CNTLN: variants seen among roughly 807,000 people sequenced by gnomAD.
The protein encoded by CNTLN is centlein, centrosomal protein.
CNTLN carries 212 observed loss-of-function variants against 180.0 expected under a neutral mutation model. That is an observed-to-expected ratio of 1.18 (90% confidence interval 1.05 to 1.32). CNTLN has a LOEUF of 1.32. CNTLN is among the 40% of genes most tolerant of loss of function. CNTLN has a pLI of 0.00. For missense variants in CNTLN, 2,095 were observed against 1,610.9 expected, an observed-to-expected ratio of 1.30 and a Z score of -5.14; for synonymous variants, 722 against 563.1, an observed-to-expected ratio of 1.28 and a Z score of -3.99.
chr9:17,167,826 TAG>T (rs1448109644), intron 2 of CNTLN: 1 of 152,168 alleles, frequency 6.6e-6, no homozygotes, highest in Admixed American at 6.5e-5. Context: ...GTTAAAAAAC[TAG>T]ACTAAAAATC....
At chr9:17,475,837 C>T (rs940630987) in intron 23 of CNTLN, among the ~76,000 whole-genome samples, 1 of 146,924 alleles carries the variant, frequency 6.8e-6, no homozygotes, top group African/African-American at 2.5e-5. Context: ...CGCGCCACTG[C>T]ACTCCAGCCT....
chr9:17,143,345 C>T lies in CNTLN; in HGVS notation c.418C>T (p.Leu140Phe), dbSNP rs770659500. ...ACGTCTCCAGGTTACAAACCCAGAT[C>T]TCACACAAGTGGTCAGTTTGGTTGT... is the stretch of plus-strand genomic sequence containing the variant. ...WKRLQVTNPD[L>F]TQVVSLVVER... Residue 140 changes from leucine (L) to phenylalanine (F), a missense_variant, in exon 2 of 26, where the codon CTC becomes TTC. Transcript: ENST00000380647. 2 of 1,613,574 alleles carry T rather than the reference C, an allele frequency of 1.2e-6. No homozygotes were observed. The highest frequency in any genetic ancestry group is 1.3e-5 in the African/African-American group (1 of 74,886).
chr9:17,306,138 A>G (rs1818688107), intron 7 of CNTLN, among the ~76,000 whole-genome samples: 1 of 141,756 alleles, frequency 7.1e-6, no homozygotes, highest in Non-Finnish European at 1.5e-5. Context: ...GGGTGCTATT[A>G]GTCGTCTATT....
At chr9:17,224,782 C>G (rs950888392) in intron 2 of CNTLN, among the ~76,000 whole-genome samples, 39 of 151,892 alleles carry the variant, frequency 2.6e-4, no homozygotes, top group African/African-American at 9.2e-4. Flanking sequence ...GGACCTTTAA[C>G]TTACTTATTG....
At chr9:17,178,250 G>C (rs901828288) in intron 2 of CNTLN, among the ~76,000 whole-genome samples, 2 of 152,300 alleles carry the variant, frequency 1.3e-5, no homozygotes, top group Middle Eastern at 3.4e-3. Context: ...TACAAACCTT[G>C]AGCTAGATTC....
chr9:17,527,388 A>G, the CNTLN span, among the ~76,000 whole-genome samples: 3 of 152,238 alleles, frequency 2.0e-5, no homozygotes, highest in Non-Finnish European at 4.4e-5. Flanking sequence ...AGGCTATACT[A>G]TCAGAGAATT....
intron 13 of CNTLN, among the ~76,000 whole-genome samples, chr9:17,374,358 T>G (rs759710984): frequency 2.6e-5 from 4 of 152,172 alleles, no homozygotes; most frequent in Non-Finnish European, 5.9e-5. Context: ...AATAGATATA[T>G]GAAAATGCTC....
At chr9:17,374,034 G>T (rs1463602547) in intron 13 of CNTLN, among the ~76,000 whole-genome samples, 1 of 152,160 alleles carries the variant, frequency 6.6e-6, no homozygotes, top group African/African-American at 2.4e-5. Flanking sequence ...ATTGGGGAAA[G>T]TGTCCAAGAT....
chr9:17,417,470 C>A (rs1828350826), intron 18 of CNTLN, among the ~76,000 whole-genome samples: 1 of 151,876 alleles, frequency 6.6e-6, no homozygotes, highest in Non-Finnish European at 1.5e-5. Flanking sequence ...AGAAAAAATT[C>A]TCAACTTTAA....
intron 13 of CNTLN, among the ~76,000 whole-genome samples, chr9:17,371,925 G>T (rs1049155866): frequency 2.0e-5 from 3 of 151,938 alleles, no homozygotes; most frequent in African/African-American, 7.3e-5. Flanking sequence ...AAATGATAAT[G>T]GAAGCACAAC....
At chr9:17,222,659 C>G (rs2132059901) in intron 2 of CNTLN, among the ~76,000 whole-genome samples, 1 of 152,114 alleles carries the variant, frequency 6.6e-6, no homozygotes, top group South Asian at 2.1e-4. Context: ...TCTTCCCAGT[C>G]TCGGGTATGT....
intron 2 of CNTLN, among the ~76,000 whole-genome samples, chr9:17,222,198 C>G (rs1316619419): frequency 1.3e-5 from 2 of 152,032 alleles, no homozygotes; most frequent in East Asian, 3.9e-4. Flanking sequence ...CCTTTCTGTG[C>G]AAAATTTCTC....
intron 25 of CNTLN, among the ~76,000 whole-genome samples, chr9:17,501,598 C>G (rs1451188429): frequency 6.6e-6 from 1 of 152,226 alleles, no homozygotes; most frequent in Non-Finnish European, 1.5e-5. Context: ...GTCGTCCATC[C>G]TAGCACAAAA....
At chr9:17,170,575 T>C (rs1820358334) in intron 2 of CNTLN, among the ~76,000 whole-genome samples, 1 of 152,114 alleles carries the variant, frequency 6.6e-6, no homozygotes, top group Non-Finnish European at 1.5e-5. Context: ...ATTCTTCTGC[T>C]TGATTAAATC....
chr9:17,278,943 T>C (rs1828487018), intron 6 of CNTLN, among the ~76,000 whole-genome samples: 1 of 152,138 alleles, frequency 6.6e-6, no homozygotes, highest in Admixed American at 6.6e-5. Context: ...ATTTTAGGTT[T>C]TTTTTTCATA....
intron 6 of CNTLN, among the ~76,000 whole-genome samples, chr9:17,285,356 A>T (rs1189127647): frequency 6.7e-6 from 1 of 148,990 alleles, no homozygotes; most frequent in African/African-American, 2.5e-5. Context: ...ATGGCTGCAT[A>T]GTATTCCATG....
intron 2 of CNTLN, among the ~76,000 whole-genome samples, chr9:17,149,971 C>G (rs747071567): frequency 6.6e-6 from 1 of 152,122 alleles, no homozygotes; most frequent in Non-Finnish European, 1.5e-5. Context: ...AGTGTCTGTT[C>G]ATATCCTTTG....
chr9:17,277,995 G>C (rs1828421452), intron 6 of CNTLN, among the ~76,000 whole-genome samples: 1 of 152,128 alleles, frequency 6.6e-6, no homozygotes. Context: ...CCCTTAGCCA[G>C]AAGGGACAAG....
At chr9:17,213,109 G>T (rs1048193153) in intron 2 of CNTLN, among the ~76,000 whole-genome samples, 4 of 152,088 alleles carry the variant, frequency 2.6e-5, no homozygotes, top group Non-Finnish European at 4.4e-5. Flanking sequence ...TTTTGAATGT[G>T]TTTGCTCTTG....
Sources: gnomAD v4.1 joint callset for allele counts (sites outside exome capture counted in the v4.1 genomes callset) on GRCh38, gnomAD v4.1.1 for gene constraint, MANE v1.5 for transcripts, NCBI Gene and HGNC (gene_info 2026-07-23, HGNC 2026-07-21) for gene names.